The following POU6F2 variants were observed in gnomAD, a reference collection of about 807,000 sequenced individuals.
POU6F2 encodes the protein POU class 6 homeobox 2.
In POU6F2, 31 loss-of-function variants were observed where a neutral mutation model predicts 71.3. That is an observed-to-expected ratio of 0.43 (90% CI 0.33 to 0.59). POU6F2 has a LOEUF of 0.59. Ranked by LOEUF, POU6F2 falls within the 20% of genes least tolerant of loss-of-function variation. POU6F2 has a pLI of 0.04. For synonymous variants in POU6F2, 347 were observed against 355.7 expected (o/e 0.98, Z 0.27); for missense variants, 783 against 856.8 (o/e 0.91, Z 1.07).
intron 1 of POU6F2, among the ~76,000 whole-genome samples, chr7:38,994,517 G>C (rs1440829944): frequency 6.6e-6 from 1 of 152,178 alleles, no homozygotes; most frequent in Non-Finnish European, 1.5e-5. Context: ...CATGGGGGCA[G>C]AGTAGGACTA....
At chr7:39,285,014 C>G (rs1038432768) in intron 4 of POU6F2, among the ~76,000 whole-genome samples, 2 of 152,324 alleles carry the variant, frequency 1.3e-5, no homozygotes, top group African/African-American at 4.8e-5. Context: ...GTGAAGCTCT[C>G]AAGCCCACAG....
At chr7:39,410,216 C>T (rs1305018256) in intron 6 of POU6F2, among the ~76,000 whole-genome samples, 1 of 151,784 alleles carries the variant, frequency 6.6e-6, no homozygotes, top group Non-Finnish European at 1.5e-5. Context: ...TGGCAGGCAC[C>T]TGTAGTCCCA....
chr7:39,256,126 C>G (rs1784016543), intron 4 of POU6F2, among the ~76,000 whole-genome samples: 1 of 137,026 alleles, frequency 7.3e-6, no homozygotes, highest in Non-Finnish European at 1.6e-5. Flanking sequence ...TTGAGATTGT[C>G]TGATACACTG....
At chr7:39,423,604 C>A (rs1280759914) in intron 6 of POU6F2, among the ~76,000 whole-genome samples, 1 of 152,142 alleles carries the variant, frequency 6.6e-6, no homozygotes, top group Non-Finnish European at 1.5e-5. Flanking sequence ...CTGCCACTGT[C>A]TATACTGGCG....
intron 2 of POU6F2, among the ~76,000 whole-genome samples, chr7:39,148,615 T>C (rs1206210868): frequency 6.6e-6 from 1 of 152,190 alleles, no homozygotes; most frequent in African/African-American, 2.4e-5. Flanking sequence ...ATGATGATAA[T>C]GATGATTACC....
chr7:39,214,611 C>G (rs566865315), intron 4 of POU6F2, among the ~76,000 whole-genome samples: 77 of 152,288 alleles, frequency 5.1e-4, no homozygotes, highest in African/African-American at 1.8e-3. Context: ...AGCCCTGTGA[C>G]AGGCATCTTT....
chr7:39,121,518 G>A (rs926514904), intron 2 of POU6F2, among the ~76,000 whole-genome samples: 4 of 152,110 alleles, frequency 2.6e-5, no homozygotes, highest in South Asian at 4.1e-4. Context: ...GTCAAAGTAC[G>A]TATTTCTCGT....
At chr7:39,304,338 C>T (rs1355517980) in intron 4 of POU6F2, among the ~76,000 whole-genome samples, 2 of 152,122 alleles carry the variant, frequency 1.3e-5, no homozygotes, top group South Asian at 2.1e-4. Flanking sequence ...TTTGAGAATT[C>T]GAATCGACAT....
intron 2 of POU6F2, among the ~76,000 whole-genome samples, chr7:39,100,850 G>A (rs141734286): frequency 3.3e-5 from 5 of 152,194 alleles, no homozygotes; most frequent in African/African-American, 1.2e-4. Context: ...GCACCCCTGA[G>A]CAGTGTCAGC....
At chr7:39,381,444 G>A (rs1167465386) in intron 5 of POU6F2, among the ~76,000 whole-genome samples, 1 of 152,032 alleles carries the variant, frequency 6.6e-6, no homozygotes, top group Non-Finnish European at 1.5e-5. Flanking sequence ...GTTTCACCAC[G>A]TTGCCCAGGC....
chr7:39,030,283 A>G (rs762439347), intron 1 of POU6F2, among the ~76,000 whole-genome samples: 30 of 151,452 alleles, frequency 2.0e-4, no homozygotes, highest in African/African-American at 6.0e-4. Context: ...ATTTTGATCA[A>G]TATTTTGCAC....
intron 1 of POU6F2, among the ~76,000 whole-genome samples, chr7:39,076,568 A>G (rs885352): frequency 0.31 from 47,302 of 152,152 alleles, 8,059 homozygotes; most frequent in East Asian, 0.77. Flanking sequence ...GCTAACAGAC[A>G]AAGTATCATG....
At chr7:39,155,955 T>TC (rs1353006795) in intron 2 of POU6F2, among the ~76,000 whole-genome samples, 3 of 152,248 alleles carry the variant, frequency 2.0e-5, no homozygotes, top group African/African-American at 7.2e-5. Flanking sequence ...TTGAGAAAAT[T>TC]CCCCTTCCTA....
chr7:39,015,733 A>G (rs1295673679), intron 1 of POU6F2, among the ~76,000 whole-genome samples: 1 of 42,304 alleles, frequency 2.4e-5, no homozygotes, highest in Non-Finnish European at 4.6e-5. Flanking sequence ...TATATAACAT[A>G]TAGATATATA....
chr7:39,458,771 A>C (rs1400435622), intron 8 of POU6F2, among the ~76,000 whole-genome samples: 1 of 151,866 alleles, frequency 6.6e-6, no homozygotes, highest in African/African-American at 2.4e-5. Flanking sequence ...TGAAATATTC[A>C]CTACTCCTAG....
chr7:39,383,955 T>C (rs1786882748), intron 5 of POU6F2, among the ~76,000 whole-genome samples: 1 of 152,244 alleles, frequency 6.6e-6, no homozygotes, highest in Non-Finnish European at 1.5e-5. Flanking sequence ...GGCAGAATGA[T>C]TTAACTGTAT....
At chr7:39,292,840 C>T (rs1784786240) in intron 4 of POU6F2, among the ~76,000 whole-genome samples, 1 of 152,106 alleles carries the variant, frequency 6.6e-6, no homozygotes, top group East Asian at 1.9e-4. Flanking sequence ...CTCATCTAGC[C>T]TCAAAGAAGA....
At chr7:39,351,782 A>G (rs1433972178) in intron 5 of POU6F2, among the ~76,000 whole-genome samples, 1 of 152,184 alleles carries the variant, frequency 6.6e-6, no homozygotes, top group African/African-American at 2.4e-5. Context: ...CCCCAGTACC[A>G]CCAGCTCCAT....
intron 5 of POU6F2, among the ~76,000 whole-genome samples, chr7:39,390,741 T>C (rs1022146855): frequency 6.6e-6 from 1 of 152,178 alleles, no homozygotes; most frequent in Non-Finnish European, 1.5e-5. Flanking sequence ...AGAATATAAG[T>C]TCTAAGGGAT....
Sources: gnomAD v4.1 joint callset for allele counts (sites outside exome capture counted in the v4.1 genomes callset) on GRCh38, gnomAD v4.1.1 for gene constraint, MANE v1.5 for transcripts, NCBI Gene and HGNC (gene_info 2026-07-23, HGNC 2026-07-21) for gene names.